The following PRKCQ variants were observed in gnomAD, a reference collection of about 807,000 sequenced individuals.
The protein encoded by PRKCQ is protein kinase C theta type.
In PRKCQ, 41 loss-of-function variants were observed where a neutral mutation model predicts 91.2. The ratio of observed to expected loss-of-function variants is 0.45; its 90% CI spans 0.35 to 0.58. The LOEUF (loss-of-function observed/expected upper bound fraction) is 0.58. PRKCQ is among the 20% of genes least tolerant of loss of function. The pLI is 0.00. For synonymous variants in PRKCQ, 307 were observed against 316.9 expected (o/e 0.97, Z 0.33); for missense variants, 673 against 896.5 (o/e 0.75, Z 3.18).
At chr10:6,498,086 C>T (rs1392398444) in intron 5 of PRKCQ, among the ~76,000 whole-genome samples, 1 of 152,168 alleles carries the variant, frequency 6.6e-6, no homozygotes, top group East Asian at 1.9e-4. Context: ...GACTATAAAA[C>T]TGGAAAACTG....
At chr10:6,518,796 C>T (rs1381280449) in intron 1 of PRKCQ, among the ~76,000 whole-genome samples, 3 of 151,732 alleles carry the variant, frequency 2.0e-5, no homozygotes, top group African/African-American at 7.3e-5. Flanking sequence ...CCAGCCTAGG[C>T]AACAGAGCAA....
the PRKCQ span, among the ~76,000 whole-genome samples, chr10:6,419,308 A>T: frequency 6.6e-6 from 1 of 152,002 alleles, no homozygotes; most frequent in Non-Finnish European, 1.5e-5. Context: ...AAAGTAATAA[A>T]TACACATAAT....
Position 6,485,219 on chromosome 10 carries a change from T to A in PRKCQ, c.951A>T (p.Glu317Asp). The A allele has an allele frequency of 6.2e-7, 1 of 1,614,136 alleles. No homozygotes were observed. Among genetic ancestry groups the A allele is most frequent in the Non-Finnish European group, 8.5e-7 (1 of 1,180,016 alleles). Reference protein sequence around the residue: ...TEQIFREGPVEIGLPCSIKNE... With the variant: ...TEQIFREGPVDIGLPCSIKNE... The stretch of plus-strand genomic sequence containing the variant: ...TTTTGATGGAGCATGGGAGACCAAT[T>A]TCAACCGGACCTTCTCTGAAGATCT... Residue 317 changes from glutamate to aspartate, a missense_variant, in exon 10 of 18, where the codon GAA becomes GAT. Glu to Asp is a conservative substitution (Grantham distance 45). Coordinates refer to ENST00000263125, the MANE Select transcript of PRKCQ (RefSeq NM_006257.5).
chr10:6,545,508 A>G (rs1434181732), intron 1 of PRKCQ, among the ~76,000 whole-genome samples: 1 of 152,220 alleles, frequency 6.6e-6, no homozygotes, highest in East Asian at 1.9e-4. Context: ...AATGTTAAAC[A>G]GTTCCACTGA....
At chr10:6,487,401 A>G (rs1317599247) in intron 8 of PRKCQ, among the ~76,000 whole-genome samples, 5 of 152,206 alleles carry the variant, frequency 3.3e-5, no homozygotes, top group African/African-American at 1.2e-4. Flanking sequence ...TGGGTGGAGA[A>G]CGGGGTGCTG....
intron 2 of PRKCQ, chr10:6,512,290 A>G (rs1838516675): frequency 6.6e-6 from 1 of 152,250 alleles, no homozygotes. Context: ...CTGATGAGCA[A>G]GTCAGAGAGG....
chr10:6,405,673 A>G, the PRKCQ span, among the ~76,000 whole-genome samples: 2 of 152,184 alleles, frequency 1.3e-5, no homozygotes, highest in Admixed American at 6.5e-5. Flanking sequence ...TATGCCCAAG[A>G]GCCCACTAGA....
At chr10:6,525,415 T>C (rs985493646) in intron 1 of PRKCQ, among the ~76,000 whole-genome samples, 1 of 152,124 alleles carries the variant, frequency 6.6e-6, no homozygotes, top group African/African-American at 2.4e-5. Context: ...CTGCCTCTAC[T>C]AAAAATACTT....
At chr10:6,491,589 T>G in intron 8 of PRKCQ, 94 bp downstream of exon 8, 2 of 1,511,364 alleles carry the variant, frequency 1.3e-6, no homozygotes, top group Non-Finnish European at 1.8e-6. Flanking sequence ...GTGGAAGTGG[T>G]ACCCCCTACA....
intron 1 of PRKCQ, among the ~76,000 whole-genome samples, chr10:6,544,626 CTTTTT>C (rs542982533): frequency 3.5e-5 from 5 of 141,532 alleles, no homozygotes; most frequent in African/African-American, 1.3e-4. Flanking sequence ...ACCCCACACT[CTTTTT>C]TTTTTTTTTT....
At chr10:6,562,889 A>G (rs74113511) in intron 1 of PRKCQ, among the ~76,000 whole-genome samples, 1,610 of 152,324 alleles carry the variant, frequency 0.011, 28 homozygotes, top group African/African-American at 0.037. Flanking sequence ...AGCTCAGTCT[A>G]TGTTAGCTAT....
At chr10:6,505,326 T>C (rs534016288) in intron 4 of PRKCQ, among the ~76,000 whole-genome samples, 1 of 152,356 alleles carries the variant, frequency 6.6e-6, no homozygotes, top group Admixed American at 6.5e-5. Context: ...GGACCATCCA[T>C]GGAATTGTTT....
intron 7 of PRKCQ, among the ~76,000 whole-genome samples, chr10:6,495,383 A>G (rs605556): frequency 0.99 from 150,474 of 152,294 alleles, 74,359 homozygotes; most frequent in South Asian, 1. Context: ...CCTGGAACAC[A>G]TTGGACTCTC....
At chr10:6,424,934 T>G (rs1833080194), downstream of PRKCQ, among the ~76,000 whole-genome samples, 1 of 152,128 alleles carries the variant, frequency 6.6e-6, no homozygotes, top group Non-Finnish European at 1.5e-5. Context: ...TAGGCTAAAG[T>G]GCAAAGTGGA....
chr10:6,535,482 G>A (rs887048899), intron 1 of PRKCQ, among the ~76,000 whole-genome samples: 1 of 151,162 alleles, frequency 6.6e-6, no homozygotes, highest in Non-Finnish European at 1.5e-5. Flanking sequence ...TTTTTTTTCA[G>A]TACCAAATGG....
intron 1 of PRKCQ, chr10:6,515,563 C>T: frequency 1.0e-6 from 1 of 963,144 alleles, no homozygotes; most frequent in Non-Finnish European, 1.2e-6. Context: ...TTTAGTCACA[C>T]TAGTTAAATA....
chr10:6,411,810 A>G, the PRKCQ span, among the ~76,000 whole-genome samples: 10 of 152,216 alleles, frequency 6.6e-5, no homozygotes, highest in Non-Finnish European at 1.0e-4. Flanking sequence ...ACATCTTATC[A>G]AAGCTCAGAG....
chr10:6,569,835 T>C (rs1840970043), intron 1 of PRKCQ, among the ~76,000 whole-genome samples: 1 of 151,640 alleles, frequency 6.6e-6, no homozygotes, highest in Admixed American at 6.6e-5. Flanking sequence ...AAGGGGAAGG[T>C]GGTGCATCCA....
chr10:6,440,175 A>G (rs1833898859), intron 16 of PRKCQ, among the ~76,000 whole-genome samples: 1 of 152,180 alleles, frequency 6.6e-6, no homozygotes, highest in African/African-American at 2.4e-5. Flanking sequence ...GCCATGCAGA[A>G]CTGTGAGTCA....
Sources: allele counts gnomAD v4.1 joint callset (sites outside exome capture counted in the v4.1 genomes callset), GRCh38; gene constraint gnomAD v4.1.1; transcripts MANE v1.5; gene names NCBI Gene and HGNC (gene_info 2026-07-23, HGNC 2026-07-21).